The following DCPS variants were observed in gnomAD, a reference collection of about 807,000 sequenced individuals.
DCPS encodes decapping enzyme, scavenger, also known as m7GpppX diphosphatase.
Under a neutral mutation model 34.7 loss-of-function variants are expected in DCPS, and 27 were observed. The ratio of observed to expected loss-of-function variants is 0.78; its 90% CI spans 0.57 to 1.07. The LOEUF is 1.07. Ranked by LOEUF, DCPS falls within the 50% of genes least tolerant of loss-of-function variation. DCPS has a pLI of 0.00. For synonymous variants in DCPS, 185 were observed against 185.7 expected, an observed-to-expected ratio of 1.00 and a Z score of 0.03; for missense variants, 464 against 436.9, an observed-to-expected ratio of 1.06 and a Z score of -0.55.
intron 4 of DCPS, chr11:126,341,354 C>T (rs1486226716): frequency 6.6e-6 from 1 of 152,252 alleles, no homozygotes; most frequent in Non-Finnish European, 1.5e-5. Context: ...CCTTTCCTGC[C>T]CCTGGGCTAG....
chr11:126,306,235 T>C (rs1951564092), intron 1 of DCPS, among the ~76,000 whole-genome samples: 3 of 152,104 alleles, frequency 2.0e-5, no homozygotes, highest in African/African-American at 7.2e-5. Flanking sequence ...TAGCCAGATG[T>C]GGTGGCATGC....
chr11:126,343,161 G>A (rs180875857), intron 4 of DCPS, 146 bp from the exon 5 acceptor site: 152 of 652,640 alleles, frequency 2.3e-4, no homozygotes, highest in Middle Eastern at 1.4e-3. Flanking sequence ...CCACACGCCC[G>A]GGGTATGCAG....
In DCPS at chr11:126,325,002, G is replaced by C. The variant is rs991431308; in HGVS notation, c.377-6403G>C. 3.9e-5 allele frequency among the ~76,000 whole-genome samples: 6 copies of C among 152,172 alleles called. No homozygotes were observed. The highest frequency in any genetic ancestry group is 1.4e-4 in the African/African-American group (6 of 41,504). On this transcript the variant is annotated intron_variant, in intron 2 of 5. Coordinates refer to ENST00000263579, the MANE Select transcript of DCPS (RefSeq NM_014026.6). This position sits in a 1 kb window ranked among gnomAD's most constrained non-coding sequence, Gnocchi z 4.3. Reference sequence around the variant, plus strand: ...GTTCGAGACCAGCCTGACTAACATGGTGAAACCCTATCTCTACTAAAAATA... The same window carrying C: ...GTTCGAGACCAGCCTGACTAACATGCTGAAACCCTATCTCTACTAAAAATA...
intron 2 of DCPS, among the ~76,000 whole-genome samples, chr11:126,324,078 C>T (rs193112940): frequency 5.3e-5 from 8 of 152,266 alleles, no homozygotes; most frequent in Middle Eastern, 3.4e-3. Context: ...GTGATCCGTC[C>T]GCCTTGGCCT....
chr11:126,330,708 TATATATATATA>T (rs372262419), intron 2 of DCPS, among the ~76,000 whole-genome samples: 24 of 29,838 alleles, frequency 8.0e-4, no homozygotes, highest in African/African-American at 3.2e-3. Context: ...TATATATATA[TATATATATATA>T]TTTTTTTTTT....
In DCPS at chr11:126,329,669, C is replaced by T. The variant is rs1951766651; in HGVS notation, c.377-1736C>T. On this transcript the variant is annotated intron_variant, in intron 2 of 5. Transcript: ENST00000263579. The surrounding 1 kb of genome is among the most constrained non-coding windows in gnomAD (Gnocchi z 5.0). ...GCTTTAGGGTGAGATGGCCTCAGTT[C>T]CAGGTTCGCCTCTGCCACGTTTCAC... 6.6e-6 allele frequency among the ~76,000 whole-genome samples: 1 copy of T among 152,204 alleles called. No individual in the cohort carries two copies. The highest frequency in any genetic ancestry group is 6.5e-5 in the Admixed American group (1 of 15,280).
In DCPS at chr11:126,327,960, C is replaced by T. The variant is rs993319704; in HGVS notation, c.377-3445C>T. Among the ~76,000 whole-genome samples, 2 of 152,128 alleles carry T rather than the reference C, an allele frequency of 1.3e-5. No homozygotes were observed. Among genetic ancestry groups the T allele is most frequent in the African/African-American group, 2.4e-5 (1 of 41,412 alleles). ...AGCTGGTGGAGGAGACAGAGGACCC[C>T]GAGGTTAGGGCTGCTGTTTTACCAG... On this transcript the variant is annotated intron_variant, in intron 2 of 5. Transcript: ENST00000263579. The surrounding 1 kb of genome is among the most constrained non-coding windows in gnomAD (Gnocchi z 4.1).
At chr11:126,321,222 T>A (rs1177584786) in intron 2 of DCPS, among the ~76,000 whole-genome samples, 2 of 141,438 alleles carry the variant, frequency 1.4e-5, no homozygotes. Flanking sequence ...GCCACCGCAC[T>A]CCATCCTGGG....
rs1951837711 is a variant in DCPS, at chr11:126,337,014, CA to C, written c.523-1271del. On this transcript the variant is annotated intron_variant, in intron 3 of 5. Transcript: ENST00000263579. This position sits in a 1 kb window ranked among gnomAD's most constrained non-coding sequence, Gnocchi z 5.3. Reference sequence around the variant, plus strand: ...CCAGCTGAGAGGCGAGGATGCAATGCAGTGTGTTCAGCCCTCCAGGCTCAAG... The same window carrying C: ...CCAGCTGAGAGGCGAGGATGCAATGCGTGTGTTCAGCCCTCCAGGCTCAAG... 2 of 152,456 alleles carry C rather than the reference CA, an allele frequency of 1.3e-5. No homozygotes were observed. The highest frequency in any genetic ancestry group is 1.5e-5 in the Non-Finnish European group (1 of 68,154). The allele number at this position is 152,456 out of a possible 1,614,324, so 9.4% of individuals were successfully genotyped here.
Position 126,331,474 on chromosome 11 carries a change from G to T in DCPS, c.446G>T (p.Arg149Leu). The change falls in exon 3 of 6, where the codon CGC becomes CTC. Residue 149 changes from arginine (R) to leucine (L), a missense_variant. Physicochemically the swap from Arg to Leu is moderately radical, Grantham distance 102. Transcript: ENST00000263579. This position sits in a 1 kb window ranked among gnomAD's most constrained non-coding sequence, Gnocchi z 7.2. The part of the protein sequence containing the change: ...HLQKYLRQDL[R>L]LIRETGDDYR... ...CAGAAGTACCTGCGCCAGGACCTCC[G>T]CCTGATCCGAGAGACGGGAGATGAC... 1 of 1,614,106 alleles carries T rather than the reference G, an allele frequency of 6.2e-7. No homozygotes were observed.
At chr11:126,306,984 T>G (rs1289559250) in intron 2 of DCPS, among the ~76,000 whole-genome samples, 1 of 151,978 alleles carries the variant, frequency 6.6e-6, no homozygotes, top group African/African-American at 2.4e-5. Context: ...GCTAAACACC[T>G]TACAATGTAC....
chr11:126,330,786 G>A (rs1397356118), intron 2 of DCPS, among the ~76,000 whole-genome samples: 8 of 131,646 alleles, frequency 6.1e-5, no homozygotes, highest in East Asian at 2.4e-4. Flanking sequence ...GCCCAGGCAG[G>A]AGTGCAATGG....
rs1301622206 is a variant in DCPS, at chr11:126,347,064, G to A, written c.*1451G>A. ...ACCGCACTTTGGCCTGGGTGACAGA[G>A]CAAGACTCCCTCTCAGAAAAAAAAA... On this transcript the variant is annotated 3_prime_UTR_variant, in exon 6 of 6. Coordinates refer to ENST00000263579, the MANE Select transcript of DCPS (RefSeq NM_014026.6). The surrounding 1 kb of genome is among the most constrained non-coding windows in gnomAD (Gnocchi z 4.2). Among the ~76,000 whole-genome samples, 2 of 151,180 alleles carry A rather than the reference G, an allele frequency of 1.3e-5. No homozygotes were observed. Among genetic ancestry groups the A allele is most frequent in the African/African-American group, 4.9e-5 (2 of 41,046 alleles).
intron 2 of DCPS, among the ~76,000 whole-genome samples, chr11:126,326,314 C>T (rs1215506893): frequency 6.6e-6 from 1 of 152,198 alleles, no homozygotes; most frequent in Non-Finnish European, 1.5e-5. Flanking sequence ...CACCGGGCCT[C>T]TTCTGCTGAC....
At chr11:126,321,875 A>G (rs1951708962) in intron 2 of DCPS, among the ~76,000 whole-genome samples, 1 of 152,208 alleles carries the variant, frequency 6.6e-6, no homozygotes, top group South Asian at 2.1e-4. Flanking sequence ...AAAAAATAGA[A>G]GAGTAGAAGA....
chr11:126,317,256 G>A (rs1205645653), intron 2 of DCPS, among the ~76,000 whole-genome samples: 1 of 151,270 alleles, frequency 6.6e-6, no homozygotes, highest in East Asian at 1.9e-4. Context: ...ACTGCACCCG[G>A]CCTCCCGGCC....
chr11:126,321,149 G>A (rs117295225), intron 2 of DCPS, among the ~76,000 whole-genome samples: 1 of 151,680 alleles, frequency 6.6e-6, no homozygotes, highest in Non-Finnish European at 1.5e-5. Flanking sequence ...CAGCTACTCA[G>A]TAGGCTCAGG....
rs545148687 is a variant in DCPS, at chr11:126,334,488, C to G, written c.522+2938C>G. Among the ~76,000 whole-genome samples the G allele has an allele frequency of 2.4e-4, 37 of 151,910 alleles. No homozygotes were observed. The highest frequency in any genetic ancestry group is 2.1e-4 in the Non-Finnish European group (14 of 67,944). On this transcript the variant is annotated intron_variant, in intron 3 of 5. Transcript: ENST00000263579. This position sits in a 1 kb window ranked among gnomAD's most constrained non-coding sequence, Gnocchi z 5.5. ...CCTCCCAAGTAGCTGGGATTACAGG[C>G]GCCCGCCACTATGCTGGGCTAATTT...
chr11:126,343,385 C>A lies in DCPS; in HGVS notation c.715C>A (p.Pro239Thr). Reference sequence around the variant, plus strand: ...ACGCGACCTTACTCCGGAGCACTTGCCGCTGCTCAGGAACATCCTCCACCA... The same window carrying A: ...ACGCGACCTTACTCCGGAGCACTTGACGCTGCTCAGGAACATCCTCCACCA... ...SLRDLTPEHL[P>T]LLRNILHQGQ... The change falls in exon 5 of 6, where the codon CCG becomes ACG. Residue 239 changes from proline to threonine, a missense_variant. Transcript: ENST00000263579. The A allele has an allele frequency of 1.9e-6, 3 of 1,613,836 alleles. No homozygotes were observed. Among genetic ancestry groups the A allele is most frequent in the Non-Finnish European group, 1.7e-6 (2 of 1,179,880 alleles).
Sources: allele counts gnomAD v4.1 joint callset (sites outside exome capture counted in the v4.1 genomes callset), GRCh38; gene constraint gnomAD v4.1.1; non-coding constraint Gnocchi (gnomAD v3.1); transcripts MANE v1.5; gene names NCBI Gene and HGNC (gene_info 2026-07-23, HGNC 2026-07-21).